Variants in FBXL13 observed in about 807,000 individuals in gnomAD.
FBXL13 encodes F-box and leucine-rich repeat protein 13.
In FBXL13, 67 loss-of-function variants were observed where a neutral mutation model predicts 83.6. The observed-to-expected ratio is 0.80, with a 90% CI of 0.66 to 0.98. The LOEUF (loss-of-function observed/expected upper bound fraction) is 0.98. Ranked by LOEUF, FBXL13 falls within the 50% of genes least tolerant of loss-of-function variation. The pLI is 0.00. For synonymous variants in FBXL13, 272 were observed against 299.5 expected (o/e 0.91, Z 0.95); for missense variants, 822 against 866.5 (o/e 0.95, Z 0.64).
chr7:102,955,086 T>C (rs1824036690), intron 8 of FBXL13, among the ~76,000 whole-genome samples: 1 of 152,154 alleles, frequency 6.6e-6, no homozygotes, highest in Non-Finnish European at 1.5e-5. Flanking sequence ...CAACAGAATA[T>C]ACATTCTTCT....
chr7:102,858,123 A>G (rs979742509), intron 16 of FBXL13, among the ~76,000 whole-genome samples: 3 of 152,242 alleles, frequency 2.0e-5, no homozygotes, highest in Admixed American at 6.5e-5. Flanking sequence ...TCAGCCACAA[A>G]AAAGAATGAA....
chr7:103,046,026 T>C (rs1461642725), intron 2 of FBXL13, among the ~76,000 whole-genome samples: 2 of 152,212 alleles, frequency 1.3e-5, no homozygotes, highest in East Asian at 3.8e-4. Flanking sequence ...GGGAGACTAT[T>C]ATTATGACTC....
chr7:102,976,361 C>T (rs1827457277), intron 6 of FBXL13: 2 of 596,826 alleles, frequency 3.4e-6, no homozygotes, highest in Middle Eastern at 4.4e-4. Flanking sequence ...CCCTGAGCCC[C>T]CCGCTCCACT....
chr7:102,949,025 GA>G (rs1822989709), intron 8 of FBXL13, among the ~76,000 whole-genome samples: 1 of 152,098 alleles, frequency 6.6e-6, no homozygotes, highest in Non-Finnish European at 1.5e-5. Flanking sequence ...AATATTTTAA[GA>G]TAACATTCTA....
chr7:102,823,036 C>T (rs1049211934), intron 18 of FBXL13, among the ~76,000 whole-genome samples: 1 of 152,090 alleles, frequency 6.6e-6, no homozygotes, highest in South Asian at 2.1e-4. Context: ...CACTGGGTGA[C>T]GTAGCCTCAG....
chr7:102,931,811 T>C, intron 9 of FBXL13, 70 bp downstream of exon 10: 3 of 1,414,054 alleles, frequency 2.1e-6, no homozygotes, highest in Non-Finnish European at 3.0e-6. Flanking sequence ...GCATCTATTC[T>C]GCATATTGGC....
rs547496372 is a variant in FBXL13, at chr7:102,931,947, G to A, written c.725-14C>T. 2 of 1,612,038 alleles carry A rather than the reference G, an allele frequency of 1.2e-6. No homozygotes were observed. Among genetic ancestry groups the A allele is most frequent in the East Asian group, 4.5e-5 (2 of 44,820 alleles). ...TCCTACAGTGGCCTAAATCAAATAA[G>A]TTACACGTCACTAAACTACATATTG... is the stretch of plus-strand genomic sequence containing the variant. On this transcript the variant is annotated splice_polypyrimidine_tract_variant and intron_variant, in intron 8 of 19. Transcript: ENST00000313221.
At chr7:102,867,763 C>T (rs1299892204) in intron 16 of FBXL13, among the ~76,000 whole-genome samples, 7 of 129,718 alleles carry the variant, frequency 5.4e-5, no homozygotes, top group African/African-American at 1.8e-4. Flanking sequence ...AGTGCAGTGG[C>T]GCAATCTTGG....
At chr7:103,029,599 T>C (rs1794295070) in intron 2 of FBXL13, among the ~76,000 whole-genome samples, 181 bp from the exon 4 acceptor site, 1 of 152,158 alleles carries the variant, frequency 6.6e-6, no homozygotes, top group African/African-American at 2.4e-5. Flanking sequence ...ATTTTGTGTA[T>C]GTCTGTAAGC....
chr7:103,056,000 C>T (rs912462172), intron 1 of FBXL13, among the ~76,000 whole-genome samples: 6 of 152,012 alleles, frequency 3.9e-5, no homozygotes, highest in Non-Finnish European at 8.8e-5. Flanking sequence ...ATCCCTCAAA[C>T]CCCTCCCACT....
chr7:102,834,068 G>GAAAA (rs1801242095), intron 17 of FBXL13, among the ~76,000 whole-genome samples: 2 of 113,074 alleles, frequency 1.8e-5, no homozygotes, highest in Non-Finnish European at 1.7e-5. Context: ...AAGGAAGGAA[G>GAAAA]GAAGGAAGGA....
intron 11 of FBXL13, among the ~76,000 whole-genome samples, chr7:102,900,731 G>T (rs1217395509): frequency 6.6e-6 from 1 of 152,164 alleles, no homozygotes; most frequent in African/African-American, 2.4e-5. Context: ...CTCTCACTGG[G>T]CCTAAAGGGG....
chr7:102,885,597 C>T (rs895748403), intron 11 of FBXL13, among the ~76,000 whole-genome samples: 14 of 152,072 alleles, frequency 9.2e-5, no homozygotes, highest in African/African-American at 2.2e-4. Context: ...TCATGTACTT[C>T]GATGCATAAA....
intron 11 of FBXL13, among the ~76,000 whole-genome samples, chr7:102,896,102 T>C (rs866135406): frequency 4.6e-5 from 7 of 152,184 alleles, no homozygotes; most frequent in Non-Finnish European, 7.4e-5. Context: ...GGAGTAGAGT[T>C]GGCAAGAAGG....
chr7:103,026,639 C>A (rs1793946872), intron 5 of FBXL13, among the ~76,000 whole-genome samples: 1 of 152,296 alleles, frequency 6.6e-6, no homozygotes, highest in East Asian at 1.9e-4. Context: ...TAAAGCTCAG[C>A]ACAGGCTCTA....
At chr7:102,874,759 G>A (rs1042508546) in intron 16 of FBXL13, among the ~76,000 whole-genome samples, 1 of 152,076 alleles carries the variant, frequency 6.6e-6, no homozygotes, top group Non-Finnish European at 1.5e-5. Context: ...TAGAGATGGG[G>A]TTTCATCATG....
At chr7:102,930,173 C>T (rs943238820) in intron 9 of FBXL13, among the ~76,000 whole-genome samples, 4 of 151,936 alleles carry the variant, frequency 2.6e-5, no homozygotes, top group African/African-American at 9.7e-5. Flanking sequence ...AAAGATGAGG[C>T]TGTAAAAATG....
At position 102,934,719 on chromosome 7, in the gene FBXL13, A is replaced by G. The variant is rs1373770756; in HGVS notation, c.725-2786T>C. 10 of 1,506,880 alleles carry G rather than the reference A, an allele frequency of 6.6e-6. No individual in the cohort carries two copies. In the South Asian group the frequency reaches 1.3e-4, roughly 19 times the overall value. The allele number at this position is 1,506,880 out of a possible 1,614,324, so 93.3% of individuals were successfully genotyped here. A position where few individuals can be genotyped will look rare whatever the true frequency, so the allele number is the denominator to read the frequency against. On this transcript the variant is annotated intron_variant, in intron 8 of 19. Transcript: ENST00000313221. ...TTTTCTTACTTTTTCATTTTCATGAATAACTTGAAATGCTCTTTGAATCTT... is the reference window on the plus strand; with the variant it reads ...TTTTCTTACTTTTTCATTTTCATGAGTAACTTGAAATGCTCTTTGAATCTT...
intron 16 of FBXL13, among the ~76,000 whole-genome samples, chr7:102,871,528 T>C (rs576286598): frequency 3.3e-5 from 5 of 151,694 alleles, no homozygotes; most frequent in Non-Finnish European, 7.4e-5. Context: ...TGGGACTACA[T>C]GCGCATGCCA....
Sources: gnomAD v4.1 joint callset for allele counts (sites outside exome capture counted in the v4.1 genomes callset) on GRCh38, gnomAD v4.1.1 for gene constraint, MANE v1.5 for transcripts, NCBI Gene and HGNC (gene_info 2026-07-23, HGNC 2026-07-21) for gene names.